Variants in SMTN observed in about 807,000 individuals in gnomAD.
The protein encoded by SMTN is smoothelin.
A neutral mutation model predicts 102.0 loss-of-function variants in SMTN; 58 were observed. That is an observed-to-expected ratio of 0.57 (90% CI 0.46 to 0.71). SMTN has a LOEUF of 0.71. Among genes scored for constraint, SMTN ranks in the 30% least tolerant of loss-of-function variants. The probability of loss-of-function intolerance (pLI) is 0.00; values close to 1 mark genes in which losing one functional copy is unlikely to be tolerated. For missense variants in SMTN, 1,185 were observed against 1,241.7 expected, an observed-to-expected ratio of 0.95 and a Z score of 0.69; for synonymous variants, 478 against 497.9, an observed-to-expected ratio of 0.96 and a Z score of 0.53.
chr22:31,092,650 T>C (rs943017557), intron 11 of SMTN: 1 of 433,224 alleles, frequency 2.3e-6, no homozygotes, highest in Non-Finnish European at 4.9e-6. Context: ...AAAGCACCCT[T>C]CCTTTCCAAA....
upstream of SMTN, among the ~76,000 whole-genome samples, chr22:31,077,380 A>T (rs907727025): frequency 2.1e-5 from 2 of 96,310 alleles, no homozygotes; most frequent in African/African-American, 8.2e-5. Context: ...ACTCTGTCTC[A>T]AAAACAAAAC....
Position 31,082,280 on chromosome 22 carries a change from G to C in SMTN, c.-81+824G>C, listed in dbSNP as rs1234158243. 2.0e-5 allele frequency: 5 copies of C among 254,612 alleles called. 1 individual carries two copies. The highest frequency in any genetic ancestry group is 4.1e-5 in the Non-Finnish European group (5 of 122,356). 15.8% of individuals were successfully genotyped at this position (254,612 alleles called of 1,614,324 possible). ...AGTTGGGGCTACAGGAGGAAGGAGAGATCTGCGCTGGGAGGCTGGGCCAGG... is the reference window on the plus strand; with the variant it reads ...AGTTGGGGCTACAGGAGGAAGGAGACATCTGCGCTGGGAGGCTGGGCCAGG... On this transcript the variant is annotated intron_variant, in intron 1 of 20. Transcript: ENST00000333137.
upstream of SMTN, among the ~76,000 whole-genome samples, chr22:31,079,180 C>T (rs1245250191): frequency 4.6e-5 from 7 of 152,230 alleles, no homozygotes; most frequent in African/African-American, 1.7e-4. Context: ...GGGCCCTCGT[C>T]ACGGGATGTT....
At position 31,091,193 on chromosome 22, in the gene SMTN, C is replaced by T; in HGVS notation, c.1170C>T (p.Ser390=). Residue 390 remains serine, a synonymous_variant, in exon 10 of 21, where the codon TCC becomes TCT. Transcript: ENST00000333137. ...GSSSRGPSDT[S]SRFSKEQRGV... ...CCTCTCGGGGCCCCAGTGATACCTC[C>T]TCCCGGTTCAGCAAGGAGCAACGAG... 1 of 1,613,362 alleles carries T rather than the reference C, an allele frequency of 6.2e-7. No homozygotes were observed. The highest frequency in any genetic ancestry group is 1.1e-5 in the South Asian group (1 of 91,076).
rs1300987482 is a variant in SMTN, at chr22:31,088,624, G to A, written c.294+18G>A. The A allele has an allele frequency of 1.2e-6, 2 of 1,612,926 alleles. No individual in the cohort carries two copies. The highest frequency in any genetic ancestry group is 1.7e-6 in the Non-Finnish European group (2 of 1,178,944). ...CTGCACTGGTGAGGCCCAGGCTGGG[G>A]CAGGGGATGGGGGCAGGGCAGGTGA... is the stretch of plus-strand genomic sequence containing the variant. On this transcript the variant is annotated intron_variant, in intron 4 of 20. Transcript: ENST00000333137.
chr22:31,066,515 C>T (rs1171359042), intron 1 of SMTN: 1 of 152,010 alleles, frequency 6.6e-6, no homozygotes, highest in African/African-American at 2.4e-5. Flanking sequence ...ACTGTGTTAC[C>T]ATGCTGGTGT....
intron 1 of SMTN, among the ~76,000 whole-genome samples, chr22:31,069,663 A>C (rs2041951239): frequency 6.6e-6 from 1 of 152,134 alleles, no homozygotes; most frequent in Admixed American, 6.6e-5. Context: ...CCTGGCAGAG[A>C]TGTGCCCTAA....
At chr22:31,090,335 G>A (rs1313160949) in intron 8 of SMTN, among the ~76,000 whole-genome samples, 155 bp downstream of exon 8, 5 of 55,442 alleles carry the variant, frequency 9.0e-5, no homozygotes, top group African/African-American at 1.5e-4. Context: ...AAGTGTCCCC[G>A]CCCCCAGCTA....
chr22:31,071,955 CA>C (rs1395732001), intron 1 of SMTN, among the ~76,000 whole-genome samples: 1 of 152,138 alleles, frequency 6.6e-6, no homozygotes, highest in Non-Finnish European at 1.5e-5. Context: ...CTCAGCCCCC[CA>C]AAGTGCTGGG....
In SMTN at chr22:31,099,171, G is replaced by A. The variant is rs375442203; in HGVS notation, c.2443G>A (p.Gly815Ser). 2 of 1,611,768 alleles carry A rather than the reference G, an allele frequency of 1.2e-6. No individual in the cohort carries two copies. Among genetic ancestry groups the A allele is most frequent in the East Asian group, 2.2e-5 (1 of 44,862 alleles). ...GGACTGGTGTCGAGCCAAGACTCGC[G>A]GCTACGAGGTGAGCCCCGGGAGGCC... is the stretch of plus-strand genomic sequence containing the variant. ...LLDWCRAKTRGYEHVDIQNFS... is the reference protein window; with the variant it reads ...LLDWCRAKTRSYEHVDIQNFS... Residue 815 changes from glycine (G) to serine (S), a missense_variant, in exon 18 of 21, where the codon GGC becomes AGC. Gly to Ser is a moderately conservative substitution (Grantham distance 56). Around this residue, in one of 2 missense-constraint regions of SMTN, gnomAD observed 1,096 missense variants for 1,112.7 expected, o/e 0.98. Transcript: ENST00000333137.
At chr22:31,083,447 G>C in intron 2 of SMTN, 138 bp downstream of exon 2, 3 of 1,077,866 alleles carry the variant, frequency 2.8e-6, no homozygotes, top group Non-Finnish European at 3.9e-6. Flanking sequence ...ACAGGGGTAG[G>C]CCAGTTCCAT....
In SMTN at chr22:31,097,305, T is replaced by C; in HGVS notation, c.2126T>C (p.Phe709Ser). ...AGCACCATGATGCAAACCAAGACCT[T>C]CTCCTCTTCCTCCTCATCCAAGAAG... Reference protein sequence around the residue: ...SGSTMMQTKTFSSSSSSKKMG... With the variant: ...SGSTMMQTKTSSSSSSSKKMG... Residue 709 changes from phenylalanine (F) to serine (S), a missense_variant, in exon 16 of 21, where the codon TTC becomes TCC. Around this residue, in one of 2 missense-constraint regions of SMTN, gnomAD observed 1,096 missense variants for 1,112.7 expected, o/e 0.98. Transcript: ENST00000333137. The C allele has an allele frequency of 1.2e-6, 2 of 1,614,012 alleles. No homozygotes were observed. The highest frequency in any genetic ancestry group is 8.5e-7 in the Non-Finnish European group (1 of 1,180,002).
intron 6 of SMTN, 21 bp from the exon 7 acceptor site, chr22:31,089,678 C>T (rs1479098977): frequency 1.9e-6 from 3 of 1,581,176 alleles, no homozygotes; most frequent in Non-Finnish European, 2.6e-6. Context: ...GCCTTGGTTG[C>T]ATCCTGTGGG....
rs574699043 is a variant in SMTN at position 31,095,749 on chromosome 22, C to T, written c.1861+140C>T. 25 of 694,068 alleles carry T rather than the reference C, an allele frequency of 3.6e-5. No individual in the cohort carries two copies. Among genetic ancestry groups the T allele is most frequent in the Non-Finnish European group, 5.8e-5 (24 of 415,518 alleles). 43.0% of individuals were successfully genotyped at this position (694,068 alleles called of 1,614,324 possible). On this transcript the variant is annotated intron_variant, in intron 13 of 20. Coordinates refer to ENST00000333137, the MANE Select transcript of SMTN (RefSeq NM_134269.3). The surrounding 1 kb of genome is among the most constrained non-coding windows in gnomAD (Gnocchi z 4.1). ...CTCCTTCTCTAGACCCAGCAGTTCCCTTGGCTATTCCCTGCTGGATCCAGC... is the reference window on the plus strand; with the variant it reads ...CTCCTTCTCTAGACCCAGCAGTTCCTTTGGCTATTCCCTGCTGGATCCAGC...
In SMTN at chr22:31,096,776, G is replaced by C. The variant is rs2043617926; in HGVS notation, c.1905G>C (p.Arg635=). 2.6e-6 allele frequency: 4 copies of C among 1,561,628 alleles called. No individual in the cohort carries two copies. The highest frequency in any genetic ancestry group is 3.5e-6 in the Non-Finnish European group (4 of 1,156,100). The change falls in exon 14 of 21, where the codon CGG becomes CGC. Residue 635 remains arginine (R), a synonymous_variant. Transcript: ENST00000333137. ...GGGAACGGCGGCTGCAGGAGGCACG[G>C]GGCCGGCCAGGGGAGGGGCGCGGCA... ...KERERRLQEA[R]GRPGEGRGNT...
At chr22:31,078,469 G>T (rs1205451981), upstream of SMTN, among the ~76,000 whole-genome samples, 2 of 152,350 alleles carry the variant, frequency 1.3e-5, no homozygotes, top group East Asian at 1.9e-4. Flanking sequence ...CCCTAGGAAG[G>T]CTTGAAGCAG....
chr22:31,095,241 G>A lies in SMTN; in HGVS notation c.1633-62G>A, dbSNP rs2043479149. The A allele has an allele frequency of 3.9e-6, 6 of 1,550,962 alleles. No homozygotes were observed. The East Asian group carries it at 9.0e-5, about 23-fold the overall frequency. The stretch of plus-strand genomic sequence containing the variant: ...CTAGGATCTGCTTCCCTATCCATTG[G>A]AGACATGATGAGTTTCACCCATACC... On this transcript the variant is annotated intron_variant, in intron 11 of 20. Coordinates refer to ENST00000333137, the MANE Select transcript of SMTN (RefSeq NM_134269.3). The surrounding 1 kb of genome is among the most constrained non-coding windows in gnomAD (Gnocchi z 4.1).
intron 1 of SMTN, chr22:31,067,021 G>C (rs547723095): frequency 6.6e-6 from 1 of 152,072 alleles, no homozygotes; most frequent in Non-Finnish European, 1.5e-5. Context: ...CTGCCAAAGA[G>C]CTGGGATTAC....
intron 1 of SMTN, chr22:31,065,018 T>C (rs901485870): frequency 2.0e-5 from 3 of 152,186 alleles, no homozygotes; most frequent in African/African-American, 7.2e-5. Context: ...TTTTCTCAAA[T>C]GACCCTGACA....
Sources: gnomAD v4.1 joint callset for allele counts (sites outside exome capture counted in the v4.1 genomes callset) on GRCh38, gnomAD v4.1.1 for gene constraint, gnomAD v4.1.1 regional missense constraint, Gnocchi (gnomAD v3.1) non-coding constraint, MANE v1.5 for transcripts, NCBI Gene and HGNC (gene_info 2026-07-23, HGNC 2026-07-21) for gene names.